Variants in AKR1C8 observed in about 807,000 individuals in gnomAD.
AKR1C8 encodes the protein aldo-keto reductase family 1 member C8, also known as aldo-keto reductase family 1 member C-like protein 1.
At chr10:5,156,759 T>C in the AKR1C8 span, among the ~76,000 whole-genome samples, 1 of 152,178 alleles carries the variant, frequency 6.6e-6, no homozygotes, top group Non-Finnish European at 1.5e-5. Context: ...ACCTATTTAA[T>C]TTTTCCACAA....
the AKR1C8 span, among the ~76,000 whole-genome samples, chr10:5,176,109 A>G: frequency 6.6e-6 from 1 of 151,866 alleles, no homozygotes; most frequent in Non-Finnish European, 1.5e-5. Flanking sequence ...TTATGGTTTT[A>G]AGTCTAACGT....
chr10:5,135,227 T>C, the AKR1C8 span: 1 of 221,774 alleles, frequency 4.5e-6, no homozygotes, highest in Non-Finnish European at 1.0e-5. Flanking sequence ...TGGGATCCAT[T>C]GAATGTCATT....
the AKR1C8 span, among the ~76,000 whole-genome samples, chr10:5,157,084 G>A: frequency 6.6e-6 from 1 of 152,172 alleles, no homozygotes; most frequent in African/African-American, 2.4e-5. Context: ...GCCAGGGGAA[G>A]GGTAATAAAA....
At chr10:5,127,050 A>G in the AKR1C8 span, among the ~76,000 whole-genome samples, 15 of 152,296 alleles carry the variant, frequency 9.8e-5, no homozygotes, top group African/African-American at 3.6e-4. Flanking sequence ...TTGTCATCCC[A>G]AAACCCTGGG....
chr10:5,117,742 C>T, the AKR1C8 span, among the ~76,000 whole-genome samples: 4 of 152,012 alleles, frequency 2.6e-5, no homozygotes, highest in South Asian at 2.1e-4. Context: ...CAGCATGTTC[C>T]GAGTTCACAG....
chr10:5,165,580 T>A, the AKR1C8 span, among the ~76,000 whole-genome samples: 3 of 152,194 alleles, frequency 2.0e-5, no homozygotes, highest in African/African-American at 7.2e-5. Flanking sequence ...GCCTCAGTGA[T>A]GTCCCCATCA....
At chr10:5,146,204 T>C in the AKR1C8 span, among the ~76,000 whole-genome samples, 1 of 37,912 alleles carries the variant, frequency 2.6e-5, no homozygotes, top group Non-Finnish European at 4.8e-5. Context: ...TGTTGTGGGG[T>C]GGGGGGAGGG....
chr10:5,156,382 T>C, the AKR1C8 span, among the ~76,000 whole-genome samples: 1 of 152,184 alleles, frequency 6.6e-6, no homozygotes, highest in Non-Finnish European at 1.5e-5. Flanking sequence ...TAAATCTCTC[T>C]TACTTAAGTC....
the AKR1C8 span, among the ~76,000 whole-genome samples, chr10:5,149,531 C>CT: frequency 6.6e-6 from 1 of 152,078 alleles, no homozygotes; most frequent in African/African-American, 2.4e-5. Flanking sequence ...TTTATTTTCT[C>CT]TTTTTTGTGG....
the AKR1C8 span, among the ~76,000 whole-genome samples, chr10:5,116,766 C>A: frequency 1.3e-5 from 2 of 152,156 alleles, no homozygotes; most frequent in Non-Finnish European, 2.9e-5. Flanking sequence ...TGTAGGACAT[C>A]AAAGGGGCTG....
the AKR1C8 span, among the ~76,000 whole-genome samples, chr10:5,176,516 A>C: frequency 6.6e-6 from 1 of 150,768 alleles, no homozygotes; most frequent in Non-Finnish European, 1.5e-5. Context: ...TCTGTGAAGA[A>C]AGTCATTGGT....
the AKR1C8 span, among the ~76,000 whole-genome samples, chr10:5,175,995 G>A: frequency 2.0e-5 from 3 of 152,004 alleles, no homozygotes; most frequent in Admixed American, 1.3e-4. Context: ...GATCCCATTT[G>A]TCAATTTTGT....
chr10:5,174,508 T>G, the AKR1C8 span, among the ~76,000 whole-genome samples: 6 of 132,346 alleles, frequency 4.5e-5, no homozygotes, highest in African/African-American at 1.6e-4. Flanking sequence ...TGCAAACTAC[T>G]TCTTTGACCT....
the AKR1C8 span, among the ~76,000 whole-genome samples, chr10:5,129,952 A>G: frequency 6.6e-6 from 1 of 152,106 alleles, no homozygotes; most frequent in South Asian, 2.1e-4. Flanking sequence ...AAAACGAGGA[A>G]AGGACATAAC....
At chr10:5,176,995 C>T in the AKR1C8 span, among the ~76,000 whole-genome samples, 1,734 of 152,010 alleles carry the variant, frequency 0.011, 21 homozygotes, top group Middle Eastern at 0.034. Flanking sequence ...ATTGCCCTGG[C>T]CAGAACTTCC....
chr10:5,116,227 T>TC, the AKR1C8 span, among the ~76,000 whole-genome samples: 4 of 152,062 alleles, frequency 2.6e-5, no homozygotes, highest in East Asian at 3.9e-4. Context: ...ACACTGTACC[T>TC]CCCTTCTTAC....
the AKR1C8 span, among the ~76,000 whole-genome samples, chr10:5,179,208 G>A: frequency 0.086 from 13,040 of 152,092 alleles, 666 homozygotes; most frequent in East Asian, 0.14. Flanking sequence ...TTGCTTGTCT[G>A]TAAAGTATTT....
the AKR1C8 span, among the ~76,000 whole-genome samples, chr10:5,139,057 T>A: frequency 6.6e-6 from 1 of 152,168 alleles, no homozygotes; most frequent in African/African-American, 2.4e-5. Flanking sequence ...CATTCACAAT[T>A]GCTTCAAAGA....
chr10:5,169,759 A>G, the AKR1C8 span, among the ~76,000 whole-genome samples: 3 of 152,228 alleles, frequency 2.0e-5, no homozygotes, highest in South Asian at 6.2e-4. Flanking sequence ...AGGGTAGCAT[A>G]GTAAATAATT....
Sources: gnomAD v4.1 joint callset for allele counts (sites outside exome capture counted in the v4.1 genomes callset) on GRCh38, gnomAD v4.1.1 for gene constraint, MANE v1.5 for transcripts, NCBI Gene and HGNC (gene_info 2026-07-23, HGNC 2026-07-21) for gene names.